SPICE1: variants seen among roughly 807,000 people sequenced by gnomAD.
The protein encoded by SPICE1 is spindle and centriole associated protein 1.
SPICE1 carries 75 observed loss-of-function variants against 102.7 expected under a neutral mutation model. The observed-to-expected ratio is 0.73, with a 90% CI of 0.61 to 0.88. The LOEUF is 0.88. Ranked by LOEUF, SPICE1 falls within the 40% of genes least tolerant of loss-of-function variation. The probability of loss-of-function intolerance (pLI) is 0.00; values close to 1 mark genes in which losing one functional copy is unlikely to be tolerated. For missense variants in SPICE1, 979 were observed against 1,020.1 expected, an observed-to-expected ratio of 0.96 and a Z score of 0.55; for synonymous variants, 308 against 350.3, an observed-to-expected ratio of 0.88 and a Z score of 1.35.
intron 10 of SPICE1, 70 bp downstream of exon 10, chr3:113,468,069 T>C (rs1936102112): frequency 6.5e-7 from 1 of 1,546,638 alleles, no homozygotes; most frequent in African/African-American, 1.4e-5. Context: ...GAGGTTGCAA[T>C]AAATGGAAAG....
chr3:113,453,918 G>T lies in SPICE1; in HGVS notation c.1690C>A (p.Pro564Thr). 6.2e-7 allele frequency: 1 copy of T among 1,613,836 alleles called. No individual in the cohort carries two copies. Among genetic ancestry groups the T allele is most frequent in the Non-Finnish European group, 8.5e-7 (1 of 1,179,846 alleles). Reference protein sequence around the residue: ...LRRTVQTRPAPRLPPTVEIIE... With the variant: ...LRRTVQTRPATRLPPTVEIIE... ...ATTTCCACAGTTGGAGGAAGTCGTG[G>T]AGCAGGACGAGTTTGAACAGTCCTT... The change falls in exon 14 of 18, where the codon CCA (proline) becomes ACA (threonine). Residue 564 changes from proline to threonine, a missense_variant. Pro to Thr is a conservative substitution (Grantham distance 38). Transcript: ENST00000295872.
At chr3:113,504,500 C>T (rs1576649910) in intron 2 of SPICE1, among the ~76,000 whole-genome samples, 3 of 144,382 alleles carry the variant, frequency 2.1e-5, no homozygotes, top group South Asian at 2.2e-4. Flanking sequence ...TTCAGGAGGC[C>T]GAGGCAGGAA....
chr3:113,481,475 T>C (rs1322248797), intron 7 of SPICE1, among the ~76,000 whole-genome samples: 2 of 152,046 alleles, frequency 1.3e-5, no homozygotes, highest in African/African-American at 2.4e-5. Context: ...TGCAGTTTTG[T>C]TACATAGGTA....
At chr3:113,475,304 T>C (rs983751774) in intron 7 of SPICE1, among the ~76,000 whole-genome samples, 1 of 152,020 alleles carries the variant, frequency 6.6e-6, no homozygotes, top group African/African-American at 2.4e-5. Flanking sequence ...AGCTTACCAA[T>C]CAAAAAGAGT....
At chr3:113,468,697 G>A (rs1320898910) in intron 9 of SPICE1, 65 bp downstream of exon 9, 3 of 1,514,774 alleles carry the variant, frequency 2.0e-6, no homozygotes, top group African/African-American at 2.8e-5. Context: ...CATTGACTAA[G>A]AGATTAAGAC....
chr3:113,495,909 T>C (rs1187878324), intron 4 of SPICE1, among the ~76,000 whole-genome samples: 1 of 152,140 alleles, frequency 6.6e-6, no homozygotes, highest in Non-Finnish European at 1.5e-5. Flanking sequence ...AGACCTGATA[T>C]TGATTATAAT....
At chr3:113,503,007 G>A (rs1203518863) in intron 3 of SPICE1, among the ~76,000 whole-genome samples, 173 bp downstream of exon 3, 1 of 152,078 alleles carries the variant, frequency 6.6e-6, no homozygotes, top group East Asian at 1.9e-4. Flanking sequence ...GATATTCCTA[G>A]CTCAAATCAG....
intron 9 of SPICE1, 106 bp downstream of exon 9, chr3:113,468,656 G>C: frequency 7.5e-7 from 1 of 1,327,556 alleles, no homozygotes; most frequent in Non-Finnish European, 1.0e-6. Context: ...CTTTCAGTTG[G>C]AACCATGTGG....
chr3:113,488,323 A>G (rs1936690708), intron 7 of SPICE1, among the ~76,000 whole-genome samples: 1 of 152,232 alleles, frequency 6.6e-6, no homozygotes, highest in Admixed American at 6.5e-5. Flanking sequence ...ATGTTAGTCA[A>G]CTGCAAAAAT....
At chr3:113,474,960 C>CA (rs1006356398) in intron 7 of SPICE1, among the ~76,000 whole-genome samples, 1 of 151,824 alleles carries the variant, frequency 6.6e-6, no homozygotes, top group Non-Finnish European at 1.5e-5. Context: ...AACAGAGACA[C>CA]AAAAAAACCC....
chr3:113,448,181 T>C (rs763490619), intron 15 of SPICE1, 41 bp from the exon 16 acceptor site: 10 of 1,502,368 alleles, frequency 6.7e-6, no homozygotes, highest in African/African-American at 1.4e-5. Context: ...TACCTTTCAA[T>C]GAAATAAAAA....
chr3:113,502,699 T>TA (rs1304637798), intron 3 of SPICE1, among the ~76,000 whole-genome samples: 1,922 of 56,526 alleles, frequency 0.034, 50 homozygotes, highest in African/African-American at 0.11. Flanking sequence ...AGTGGAAACA[T>TA]AAAAAAAAAA....
chr3:113,469,674 A>C (rs1006234424), intron 7 of SPICE1, among the ~76,000 whole-genome samples: 19 of 152,008 alleles, frequency 1.2e-4, no homozygotes, highest in African/African-American at 4.6e-4. Context: ...AACACTATTC[A>C]CTATAACTGA....
chr3:113,448,241 G>A, intron 15 of SPICE1, 101 bp from the exon 16 acceptor site: 1 of 1,029,412 alleles, frequency 9.7e-7, no homozygotes, highest in South Asian at 2.1e-5. Flanking sequence ...AAATTTGGTG[G>A]TTCTTTCCAT....
intron 7 of SPICE1, among the ~76,000 whole-genome samples, chr3:113,482,396 G>A (rs950317070): frequency 1.5e-4 from 23 of 152,134 alleles, no homozygotes; most frequent in Non-Finnish European, 2.6e-4. Context: ...TTGCTGTGCA[G>A]GAGCTCTTTA....
chr3:113,473,510 G>C (rs1007460133), intron 7 of SPICE1, among the ~76,000 whole-genome samples: 1 of 152,130 alleles, frequency 6.6e-6, no homozygotes, highest in Non-Finnish European at 1.5e-5. Flanking sequence ...GGAAATGAAA[G>C]AAAAAATGTT....
chr3:113,460,023 A>C (rs757917420), intron 12 of SPICE1: 108 of 985,314 alleles, frequency 1.1e-4, no homozygotes, highest in Non-Finnish European at 1.3e-4. Flanking sequence ...TAAATACATA[A>C]AACACTTTTC....
intron 6 of SPICE1, among the ~76,000 whole-genome samples, chr3:113,490,458 G>A (rs1374053005): frequency 2.0e-5 from 3 of 151,936 alleles, no homozygotes; most frequent in African/African-American, 7.3e-5. Context: ...CTTGGGCAAC[G>A]TGGCAAAACC....
chr3:113,512,255 G>A (rs952010166), intron 1 of SPICE1, among the ~76,000 whole-genome samples: 8 of 152,140 alleles, frequency 5.3e-5, no homozygotes, highest in Non-Finnish European at 1.2e-4. Flanking sequence ...CACAGGTATA[G>A]TTAAGCTGCT....
Sources: allele counts gnomAD v4.1 joint callset (sites outside exome capture counted in the v4.1 genomes callset), GRCh38; gene constraint gnomAD v4.1.1; transcripts MANE v1.5; gene names NCBI Gene and HGNC (gene_info 2026-07-23, HGNC 2026-07-21).